CCDC68: variants seen among roughly 807,000 people sequenced by gnomAD.
The protein encoded by CCDC68 is coiled-coil domain-containing protein 68.
A neutral mutation model predicts 47.1 loss-of-function variants in CCDC68; 45 were observed. That is an observed-to-expected ratio of 0.96 (90% CI 0.75 to 1.23). The LOEUF is 1.23. Ranked by LOEUF, CCDC68 falls within the 50% of genes most tolerant of loss-of-function variation. The pLI is 0.00. For missense variants in CCDC68, 353 were observed against 373.6 expected (o/e 0.94, Z 0.45); for synonymous variants, 131 against 129.5 (o/e 1.01, Z -0.08).
chr18:54,956,209 C>T (rs1331700817), intron 1 of CCDC68, among the ~76,000 whole-genome samples: 13 of 152,120 alleles, frequency 8.5e-5, no homozygotes, highest in Non-Finnish European at 1.5e-4. Context: ...AGGCTGGTCT[C>T]GAATTCCTGA....
chr18:54,956,480 G>C (rs992140195), intron 1 of CCDC68, among the ~76,000 whole-genome samples: 3 of 152,198 alleles, frequency 2.0e-5, no homozygotes, highest in Non-Finnish European at 4.4e-5. Context: ...CTGCACCAAT[G>C]TATCTGTTTT....
chr18:54,941,997 C>T (rs1010658992), intron 3 of CCDC68, among the ~76,000 whole-genome samples: 3 of 152,086 alleles, frequency 2.0e-5, no homozygotes, highest in Admixed American at 2.0e-4. Context: ...GGGATTTCTC[C>T]ATGTTGGTCA....
At chr18:54,944,138 TA>T (rs1170642053) in intron 2 of CCDC68, among the ~76,000 whole-genome samples, 1 of 152,100 alleles carries the variant, frequency 6.6e-6, no homozygotes, top group African/African-American at 2.4e-5. Context: ...CTTTATTCAC[TA>T]AAAAACCTAG....
At chr18:54,929,997 T>C (rs1308999435) in intron 7 of CCDC68, among the ~76,000 whole-genome samples, 1 of 152,228 alleles carries the variant, frequency 6.6e-6, no homozygotes, top group Non-Finnish European at 1.5e-5. Flanking sequence ...TTCGCTTTTA[T>C]TATTTATTAT....
intron 6 of CCDC68, among the ~76,000 whole-genome samples, chr18:54,936,554 T>A (rs1042589357): frequency 6.6e-6 from 1 of 152,082 alleles, no homozygotes; most frequent in African/African-American, 2.4e-5. Flanking sequence ...GCAGAGCCAG[T>A]CCAGATTTCC....
intron 7 of CCDC68, among the ~76,000 whole-genome samples, chr18:54,933,867 T>G (rs1256620102): frequency 6.6e-6 from 1 of 152,240 alleles, no homozygotes; most frequent in Non-Finnish European, 1.5e-5. Context: ...AATCACAATG[T>G]CATAAAACTT....
intron 8 of CCDC68, among the ~76,000 whole-genome samples, chr18:54,920,435 T>C (rs1465792164): frequency 6.6e-6 from 1 of 152,092 alleles, no homozygotes; most frequent in Non-Finnish European, 1.5e-5. Context: ...GAGATGGAGT[T>C]TCACCATGTT....
At chr18:54,909,805 C>G (rs957149105) in intron 10 of CCDC68, among the ~76,000 whole-genome samples, 1 of 152,216 alleles carries the variant, frequency 6.6e-6, no homozygotes, top group African/African-American at 2.4e-5. Context: ...CACCCAGAAG[C>G]TTGGAGATGC....
chr18:54,941,859 G>C (rs1421943295), intron 3 of CCDC68, among the ~76,000 whole-genome samples: 1 of 152,070 alleles, frequency 6.6e-6, no homozygotes, highest in Non-Finnish European at 1.5e-5. Context: ...GCAATGGTGT[G>C]ATCTCTGCTC....
At chr18:54,936,769 A>T (rs1411197804) in intron 6 of CCDC68, 64 bp downstream of exon 6, 1 of 1,596,218 alleles carries the variant, frequency 6.3e-7, no homozygotes, top group Admixed American at 1.7e-5. Flanking sequence ...TCTTCTAGAA[A>T]GATGAACTTC....
chr18:54,922,528 A>T (rs982227510), intron 8 of CCDC68, among the ~76,000 whole-genome samples: 1 of 152,108 alleles, frequency 6.6e-6, no homozygotes, highest in Non-Finnish European at 1.5e-5. Context: ...AGAAAACCTC[A>T]GTTACTAGGA....
rs1291754028 is a variant in CCDC68, at chr18:54,959,361, G to C, written c.-128C>G. The stretch of plus-strand genomic sequence containing the variant: ...CTTGTGGGGCGCCCAGCCGACGCGG[G>C]GTCCCGGTGCTGCTCCTCCCCTGGG... On this transcript the variant is annotated 5_prime_UTR_variant, in exon 1 of 12. Transcript: ENST00000591504. 1 of 152,256 alleles carries C rather than the reference G, an allele frequency of 6.6e-6. No homozygotes were observed. The highest frequency in any genetic ancestry group is 1.5e-5 in the Non-Finnish European group (1 of 68,118). 9.4% of individuals were successfully genotyped at this position (152,256 alleles called of 1,614,324 possible).
intron 10 of CCDC68, among the ~76,000 whole-genome samples, chr18:54,912,509 G>C (rs902797288): frequency 2.0e-5 from 3 of 152,144 alleles, no homozygotes; most frequent in African/African-American, 7.2e-5. Flanking sequence ...AAGTAAGGTA[G>C]AAAATATTTA....
chr18:54,914,241 GA>G (rs1210028344), intron 10 of CCDC68, among the ~76,000 whole-genome samples: 1 of 152,186 alleles, frequency 6.6e-6, no homozygotes, highest in African/African-American at 2.4e-5. Flanking sequence ...TTTATCTGTT[GA>G]AGAAAATAAA....
chr18:54,930,623 T>TCCCTCCCCC (rs2044227922), intron 7 of CCDC68, among the ~76,000 whole-genome samples: 2 of 26,000 alleles, frequency 7.7e-5, no homozygotes, highest in Non-Finnish European at 1.5e-4. Context: ...TCCCTTCCCT[T>TCCCTCCCCC]CCCCTCCCTC....
chr18:54,910,898 C>T (rs566133302), intron 10 of CCDC68, among the ~76,000 whole-genome samples: 20 of 152,368 alleles, frequency 1.3e-4, no homozygotes, highest in Middle Eastern at 3.4e-3. Flanking sequence ...GGAGCAGGCA[C>T]TTCCGAGCCT....
In CCDC68 at chr18:54,938,002, T is replaced by C. The variant is rs769952356; in HGVS notation, c.300A>G (p.Leu100=). 3.7e-5 allele frequency: 59 copies of C among 1,613,386 alleles called. No individual in the cohort carries two copies. In the South Asian group the frequency reaches 5.9e-4, roughly 16 times the overall value. Residue 100 remains leucine, a synonymous_variant, in exon 5 of 12, where the codon CTA becomes CTG. Coordinates refer to ENST00000591504, the MANE Select transcript of CCDC68 (RefSeq NM_025214.3). The part of the protein sequence containing the change: ...LLMKKIKGKD[L]QLLEMNKENE... The stretch of plus-strand genomic sequence containing the variant: ...TCTCTTTGTTCATTTCTAAGAGCTG[T>C]AGGTCTTTTCCTTTTATCTTTTTCA...
chr18:54,920,034 T>G (rs2044028925), intron 8 of CCDC68, among the ~76,000 whole-genome samples: 1 of 152,156 alleles, frequency 6.6e-6, no homozygotes, highest in Non-Finnish European at 1.5e-5. Flanking sequence ...TTTAGATTAT[T>G]TATACTTTCC....
intron 8 of CCDC68, among the ~76,000 whole-genome samples, chr18:54,921,001 A>T (rs980490580): frequency 2.6e-5 from 4 of 152,240 alleles, no homozygotes; most frequent in South Asian, 2.1e-4. Flanking sequence ...ACACCATGGA[A>T]TACTATGCAG....
Sources: gnomAD v4.1 joint callset for allele counts (sites outside exome capture counted in the v4.1 genomes callset) on GRCh38, gnomAD v4.1.1 for gene constraint, MANE v1.5 for transcripts, NCBI Gene and HGNC (gene_info 2026-07-23, HGNC 2026-07-21) for gene names.